EFEMP1: variants seen among roughly 807,000 people sequenced by gnomAD.
The protein encoded by EFEMP1 is EGF-like fibulin extracellular matrix protein 1, also known as EGF-containing fibulin-like extracellular matrix protein 1.
Under a neutral mutation model 65.7 loss-of-function variants are expected in EFEMP1, and 18 were observed. The ratio of observed to expected loss-of-function variants is 0.27; its 90% CI spans 0.19 to 0.41. The LOEUF (loss-of-function observed/expected upper bound fraction) is 0.41. Among genes scored for constraint, EFEMP1 ranks in the 10% least tolerant of loss-of-function variants. The pLI is 1.00. For synonymous variants in EFEMP1, 237 were observed against 219.7 expected (o/e 1.08, Z -0.70); for missense variants, 469 against 624.8 (o/e 0.75, Z 2.66).
intron 9 of EFEMP1, among the ~76,000 whole-genome samples, chr2:55,874,644 A>ACTGAATCTTC (rs1256337493): frequency 6.6e-6 from 1 of 152,076 alleles, no homozygotes; most frequent in Admixed American, 6.6e-5. Flanking sequence ...CATTTTAATA[A>ACTGAATCTTC]CTGAATCTTT....
intron 5 of EFEMP1, among the ~76,000 whole-genome samples, chr2:55,898,455 T>C (rs1171908052): frequency 6.6e-6 from 1 of 152,162 alleles, no homozygotes; most frequent in Non-Finnish European, 1.5e-5. Flanking sequence ...TCTCTTTTTA[T>C]GCCTCTTACT....
chr2:55,896,116 A>C (rs1290646862), intron 5 of EFEMP1, among the ~76,000 whole-genome samples: 1 of 152,234 alleles, frequency 6.6e-6, no homozygotes, highest in African/African-American at 2.4e-5. Context: ...AGCAATTGAG[A>C]TATCCATTAG....
At chr2:55,918,151 AGG>A in intron 4 of EFEMP1, 66 bp downstream of exon 4, 1 of 1,612,520 alleles carries the variant, frequency 6.2e-7, no homozygotes. Context: ...CAGACAGGAC[AGG>A]AAGAGTGACA....
intron 5 of EFEMP1, among the ~76,000 whole-genome samples, chr2:55,890,331 A>C (rs1283398737): frequency 6.6e-6 from 1 of 152,062 alleles, no homozygotes; most frequent in Non-Finnish European, 1.5e-5. Flanking sequence ...TAGACAAATA[A>C]AAAAATGAAT....
At chr2:55,874,612 A>T (rs1668952003) in intron 9 of EFEMP1, among the ~76,000 whole-genome samples, 1 of 152,140 alleles carries the variant, frequency 6.6e-6, no homozygotes, top group African/African-American at 2.4e-5. Flanking sequence ...CTTATGCTCT[A>T]AACTCAAACT....
chr2:55,884,356 T>A (rs1039638862), intron 5 of EFEMP1, among the ~76,000 whole-genome samples: 4 of 152,256 alleles, frequency 2.6e-5, no homozygotes, highest in Non-Finnish European at 5.9e-5. Context: ...TATGTTTGGC[T>A]TTTCTACTTC....
chr2:55,900,298 C>A (rs528232500), intron 5 of EFEMP1, among the ~76,000 whole-genome samples: 1 of 152,150 alleles, frequency 6.6e-6, no homozygotes, highest in Non-Finnish European at 1.5e-5. Context: ...GGAATCAGAT[C>A]TGACTGCCCC....
At chr2:55,879,081 C>A (rs1030582179) in intron 6 of EFEMP1, among the ~76,000 whole-genome samples, 1 of 152,142 alleles carries the variant, frequency 6.6e-6, no homozygotes, top group Admixed American at 6.6e-5. Context: ...TATTCCCTTA[C>A]CTTGCTTTAG....
At chr2:55,905,191 C>T (rs1466179631) in intron 5 of EFEMP1, among the ~76,000 whole-genome samples, 4 of 152,062 alleles carry the variant, frequency 2.6e-5, no homozygotes, top group Non-Finnish European at 5.9e-5. Context: ...GTTTTATCCA[C>T]TTCTCAGGAC....
In EFEMP1 at chr2:55,871,236, C is replaced by CTG; in HGVS notation, c.1001-115_1001-114dup. 6.8e-7 allele frequency: 1 copy of CTG among 1,461,222 alleles called. No individual in the cohort carries two copies. The highest frequency in any genetic ancestry group is 1.2e-5 in the South Asian group (1 of 86,116). The allele number at this position is 1,461,222 out of a possible 1,614,324, so 90.5% of individuals were successfully genotyped here. A position where few individuals can be genotyped will look rare whatever the true frequency, so the allele number is the denominator to read the frequency against. On this transcript the variant is annotated intron_variant, in intron 9 of 11. Coordinates refer to ENST00000355426, the MANE Select transcript of EFEMP1 (RefSeq NM_001039348.3). The surrounding 1 kb of genome is among the most constrained non-coding windows in gnomAD (Gnocchi z 4.2). ...GGAAGGAGGTGTGAGAGCATCTGGA[C>CTG]TGTGTTCAACCTGCTTTTAGACACA...
intron 8 of EFEMP1, among the ~76,000 whole-genome samples, chr2:55,875,568 G>C (rs1394837670): frequency 6.6e-6 from 1 of 152,006 alleles, no homozygotes; most frequent in Non-Finnish European, 1.5e-5. Context: ...GACTTTTACT[G>C]AATCATTGCT....
At chr2:55,910,052 T>C (rs1249260718) in intron 5 of EFEMP1, among the ~76,000 whole-genome samples, 1 of 152,234 alleles carries the variant, frequency 6.6e-6, no homozygotes, top group Non-Finnish European at 1.5e-5. Context: ...TGAAAGGTAG[T>C]TGAACTTTTA....
rs970342192 is a variant in EFEMP1 at position 55,923,772 on chromosome 2, C to A, written c.-110G>T. The A allele has an allele frequency of 7.1e-6, 7 of 986,072 alleles. No individual in the cohort carries two copies. Among genetic ancestry groups the A allele is most frequent in the Non-Finnish European group, 8.4e-6 (7 of 830,594 alleles). The allele number at this position is 986,072 out of a possible 1,614,324, so 61.1% of individuals were successfully genotyped here. ...AGGGGAGTGCGCAGGGGAGGGCAGC[C>A]CCGTGGGTCTGATCTGGCGAAGTCC... On this transcript the variant is annotated 5_prime_UTR_variant, in exon 1 of 12. Coordinates refer to ENST00000355426, the MANE Select transcript of EFEMP1 (RefSeq NM_001039348.3). This position sits in a 1 kb window ranked among gnomAD's most constrained non-coding sequence, Gnocchi z 5.3.
intron 5 of EFEMP1, among the ~76,000 whole-genome samples, chr2:55,914,511 ATTAT>A (rs765969199): frequency 6.6e-6 from 1 of 152,216 alleles, no homozygotes; most frequent in Non-Finnish European, 1.5e-5. Flanking sequence ...ATCTAGTGGT[ATTAT>A]TTAAATTATT....
intron 5 of EFEMP1, among the ~76,000 whole-genome samples, chr2:55,911,272 A>G (rs1670473809): frequency 6.6e-6 from 1 of 152,118 alleles, no homozygotes. Context: ...GAAAAGTAAA[A>G]TAGAAATACT....
At chr2:55,889,420 T>C (rs1163607282) in intron 5 of EFEMP1, among the ~76,000 whole-genome samples, 1 of 152,236 alleles carries the variant, frequency 6.6e-6, no homozygotes, top group Non-Finnish European at 1.5e-5. Flanking sequence ...TGTTACTTTC[T>C]TGTGTGTATT....
intron 5 of EFEMP1, among the ~76,000 whole-genome samples, chr2:55,907,871 T>G (rs1378499421): frequency 6.6e-6 from 1 of 152,228 alleles, no homozygotes; most frequent in African/African-American, 2.4e-5. Flanking sequence ...TTTAACTACA[T>G]GCAGTTCCAG....
In EFEMP1 at chr2:55,870,725, G is replaced by C; in HGVS notation, c.1315C>G (p.Leu439Val). 2 of 1,613,562 alleles carry C rather than the reference G, an allele frequency of 1.2e-6. No homozygotes were observed. Among genetic ancestry groups the C allele is most frequent in the Non-Finnish European group, 1.7e-6 (2 of 1,179,642 alleles). Residue 439 changes from leucine to valine, a missense_variant, in exon 11 of 12, where the codon CTA becomes GTA. By Grantham distance (32) the Leu-to-Val change is conservative. This residue lies in a region of EFEMP1 where 399 missense variants were observed against 528.2 expected (regional missense o/e 0.76). Coordinates refer to ENST00000355426, the MANE Select transcript of EFEMP1 (RefSeq NM_001039348.3). This position sits in a 1 kb window ranked among gnomAD's most constrained non-coding sequence, Gnocchi z 5.8. ...KSGNENGEFY[L>V]RQTSPVSAML... ...GCTGCCTTCAGGATACTTACTCGTA[G>C]GTAGAACTCTCCATTTTCATTTCCA...
rs916737955 is a variant in EFEMP1, at chr2:55,871,828, C to T, written c.1001-705G>A. ...CAGGAAGTGAAACTATGAAGTGTTC[C>T]ACCTCATAGAGCATAGCAATTTTAG... On this transcript the variant is annotated intron_variant, in intron 9 of 11. Transcript: ENST00000355426. The surrounding 1 kb of genome is among the most constrained non-coding windows in gnomAD (Gnocchi z 4.2). 1.3e-5 allele frequency among the ~76,000 whole-genome samples: 2 copies of T among 151,978 alleles called. No homozygotes were observed. Among genetic ancestry groups the T allele is most frequent in the African/African-American group, 4.8e-5 (2 of 41,370 alleles).
Sources: allele counts gnomAD v4.1 joint callset (sites outside exome capture counted in the v4.1 genomes callset), GRCh38; gene constraint gnomAD v4.1.1; regional missense constraint gnomAD v4.1.1; non-coding constraint Gnocchi (gnomAD v3.1); transcripts MANE v1.5; gene names NCBI Gene and HGNC (gene_info 2026-07-23, HGNC 2026-07-21).